SASH1: variants seen among roughly 807,000 people sequenced by gnomAD.
The protein encoded by SASH1 is SAM and SH3 domain containing 1.
Under a neutral mutation model 125.2 loss-of-function variants are expected in SASH1, and 44 were observed. The ratio of observed to expected loss-of-function variants is 0.35; its 90% CI spans 0.28 to 0.45. The LOEUF (loss-of-function observed/expected upper bound fraction) is 0.45. SASH1 is among the 20% of genes least tolerant of loss of function. SASH1 has a pLI of 1.00. For synonymous variants in SASH1, 639 were observed against 649.1 expected, an observed-to-expected ratio of 0.98 and a Z score of 0.24; for missense variants, 1,426 against 1,614.5, an observed-to-expected ratio of 0.88 and a Z score of 2.00.
intron 1 of SASH1, among the ~76,000 whole-genome samples, chr6:148,361,944 C>T (rs868283788): frequency 7.9e-5 from 11 of 138,400 alleles, no homozygotes; most frequent in Admixed American, 5.3e-4. Flanking sequence ...GACAGAGTCT[C>T]ACTCTGTCGC....
chr6:148,259,095 AC>A, the SASH1 span, among the ~76,000 whole-genome samples: 1 of 152,136 alleles, frequency 6.6e-6, no homozygotes, highest in Non-Finnish European at 1.5e-5. Flanking sequence ...CTATATTATG[AC>A]TGGATGGTAC....
In SASH1 at chr6:148,482,688, A is replaced by ATTTTTTTTTTTTTTT. The variant is rs200708826; in HGVS notation, c.628-4922_628-4908dup. On this transcript the variant is annotated intron_variant, in intron 7 of 19. Coordinates refer to ENST00000367467, the MANE Select transcript of SASH1 (RefSeq NM_015278.5). ...AGGCATGTGCCACCACACCTGGCTAATTTTTTTTTTTTTTTTTTGAGAGAG... is the reference window on the plus strand; with the variant it reads ...AGGCATGTGCCACCACACCTGGCTAATTTTTTTTTTTTTTTTTTTTTTTTTTTTTTTTTGAGAGAG... Among the ~76,000 whole-genome samples, 709 of 99,850 alleles carry ATTTTTTTTTTTTTTT rather than the reference A, an allele frequency of 7.1e-3. 77 individuals carry two copies. Among genetic ancestry groups the ATTTTTTTTTTTTTTT allele is most frequent in the African/African-American group, 0.03 (667 of 22,468 alleles). 65.5% of individuals were successfully genotyped at this position (99,850 alleles called of 152,430 possible).
At chr6:148,421,297 A>G (rs1259605810) in intron 2 of SASH1, among the ~76,000 whole-genome samples, 1 of 151,832 alleles carries the variant, frequency 6.6e-6, no homozygotes, top group African/African-American at 2.4e-5. Context: ...CTTAGGGCCA[A>G]TTATTTTTAT....
chr6:148,444,253 A>G (rs909144571), intron 4 of SASH1, among the ~76,000 whole-genome samples: 5 of 152,198 alleles, frequency 3.3e-5, no homozygotes, highest in African/African-American at 4.8e-5. Flanking sequence ...TTATGTTTCA[A>G]ATGTCTGTTT....
At chr6:148,340,108 CTGAGT>C (rs1200397909), upstream of SASH1, among the ~76,000 whole-genome samples, 3 of 152,128 alleles carry the variant, frequency 2.0e-5, no homozygotes, top group African/African-American at 7.2e-5. Flanking sequence ...TGGCTCCTTG[CTGAGT>C]TATTTGCTGG....
At chr6:148,406,111 C>T (rs757027076) in intron 2 of SASH1, among the ~76,000 whole-genome samples, 1 of 152,198 alleles carries the variant, frequency 6.6e-6, no homozygotes, top group Admixed American at 6.5e-5. Flanking sequence ...GCATTCTTCT[C>T]ATTGCTGGGT....
rs1388260245 is a variant in SASH1 at position 148,529,681 on chromosome 6, T to A, written c.1429-1845T>A. On this transcript the variant is annotated intron_variant, in intron 12 of 19. Coordinates refer to ENST00000367467, the MANE Select transcript of SASH1 (RefSeq NM_015278.5). The surrounding 1 kb of genome is among the most constrained non-coding windows in gnomAD (Gnocchi z 4.2). ...ATTTTACTACCATATAGCAATCTTA[T>A]GTGCTTAGTTCTGTTTTTTTAAAGC... is the stretch of plus-strand genomic sequence containing the variant. Among the ~76,000 whole-genome samples the A allele has an allele frequency of 2.0e-5, 3 of 152,252 alleles. No individual in the cohort carries two copies. Among genetic ancestry groups the A allele is most frequent in the Non-Finnish European group, 4.4e-5 (3 of 68,044 alleles).
the SASH1 span, among the ~76,000 whole-genome samples, chr6:148,224,926 G>A: frequency 1.3e-5 from 2 of 152,214 alleles, no homozygotes; most frequent in Non-Finnish European, 2.9e-5. Context: ...CTGGGCCTTT[G>A]TATAGGTGAC....
chr6:148,378,097 G>T (rs1325106736), intron 1 of SASH1, among the ~76,000 whole-genome samples: 1 of 151,112 alleles, frequency 6.6e-6, no homozygotes, highest in African/African-American at 2.4e-5. Flanking sequence ...TGTCACCCAG[G>T]CTGGAGTGCA....
chr6:148,415,525 C>T (rs186603971), intron 2 of SASH1, among the ~76,000 whole-genome samples: 2 of 152,276 alleles, frequency 1.3e-5, no homozygotes, highest in Admixed American at 1.3e-4. Context: ...ATGAAAACCA[C>T]TTAAATCAGA....
the SASH1 span, among the ~76,000 whole-genome samples, chr6:148,218,494 A>G: frequency 6.6e-6 from 1 of 152,178 alleles, no homozygotes; most frequent in Non-Finnish European, 1.5e-5. Context: ...ACATTCCTCT[A>G]CTTTGTTGGT....
In SASH1 at chr6:148,544,578, C is replaced by T. The variant is rs376415133; in HGVS notation, c.3108C>T (p.Pro1036=). ...PASPTSPSDC[P]PALAPRPLSG... is the part of the protein sequence containing the mutation. ...GCCCCACCAGCCCTAGCGACTGTCC[C>T]CCAGCACTGGCTCCCAGGCCTCTCT... The change falls in exon 18 of 20, where the codon CCC becomes CCT. Residue 1036 remains proline (P), a synonymous_variant. Transcript: ENST00000367467. This position sits in a 1 kb window ranked among gnomAD's most constrained non-coding sequence, Gnocchi z 6.4. 1.3e-5 allele frequency: 21 copies of T among 1,613,364 alleles called. No homozygotes were observed. In the African/African-American group the frequency reaches 1.7e-4, roughly 13 times the overall value.
At chr6:148,219,475 G>T in the SASH1 span, among the ~76,000 whole-genome samples, 1 of 152,132 alleles carries the variant, frequency 6.6e-6, no homozygotes, top group Non-Finnish European at 1.5e-5. Context: ...CCACTCAGCT[G>T]CATGCATTAT....
At chr6:148,326,590 C>T (rs933293079) in intron 1 of SASH1, among the ~76,000 whole-genome samples, 13 of 147,276 alleles carry the variant, frequency 8.8e-5, no homozygotes, top group African/African-American at 2.0e-4. Flanking sequence ...TTAATAGAGA[C>T]GGGGTTTCAC....
chr6:148,491,472 G>A (rs1779108342), intron 8 of SASH1, among the ~76,000 whole-genome samples: 1 of 152,158 alleles, frequency 6.6e-6, no homozygotes, highest in African/African-American at 2.4e-5. Flanking sequence ...GTTTCACCAT[G>A]TTGACCAGGT....
chr6:148,407,357 T>C (rs944962353), intron 2 of SASH1, among the ~76,000 whole-genome samples: 3 of 152,248 alleles, frequency 2.0e-5, no homozygotes, highest in Admixed American at 1.3e-4. Flanking sequence ...CTGTTTTTTT[T>C]CACTTAGCTT....
chr6:148,456,618 T>C (rs1056386560), intron 4 of SASH1, among the ~76,000 whole-genome samples: 5 of 152,176 alleles, frequency 3.3e-5, no homozygotes, highest in Admixed American at 6.5e-5. Flanking sequence ...CCAAGGACTT[T>C]GGGAGGCAGA....
chr6:148,440,390 C>A lies in SASH1; in HGVS notation c.369C>A (p.Thr123=). Residue 123 remains threonine, a synonymous_variant, in exon 4 of 20, where the codon ACC becomes ACA. Coordinates refer to ENST00000367467, the MANE Select transcript of SASH1 (RefSeq NM_015278.5). ...TTGGCTTCTGTAGCGCCGTGTCAAC[C>A]CCAGAAGTGGAAAGAAAGTAAGTCT... ...ESLGFCSAVS[T]PEVERKNPLH... 2.5e-6 allele frequency: 4 copies of A among 1,614,072 alleles called. No individual in the cohort carries two copies. The highest frequency in any genetic ancestry group is 3.4e-6 in the Non-Finnish European group (4 of 1,179,988).
chr6:148,506,499 TAAA>T (rs2115291864), intron 8 of SASH1, among the ~76,000 whole-genome samples: 1 of 152,116 alleles, frequency 6.6e-6, no homozygotes, highest in African/African-American at 2.4e-5. Flanking sequence ...ATAGTAATAG[TAAA>T]AATATTAAGT....
Sources: allele counts gnomAD v4.1 joint callset (sites outside exome capture counted in the v4.1 genomes callset), GRCh38; gene constraint gnomAD v4.1.1; non-coding constraint Gnocchi (gnomAD v3.1); transcripts MANE v1.5; gene names NCBI Gene and HGNC (gene_info 2026-07-23, HGNC 2026-07-21).